Variants in ARPC5L observed in about 807,000 individuals in gnomAD.
ARPC5L encodes the protein actin related protein 2/3 complex subunit 5 like, also known as actin-related protein 2/3 complex subunit 5-like protein.
ARPC5L carries 4 observed loss-of-function variants against 16.9 expected under a neutral mutation model. The ratio of observed to expected loss-of-function variants is 0.24; its 90% CI spans 0.12 to 0.54. ARPC5L has a LOEUF of 0.54. Among genes scored for constraint, ARPC5L ranks in the 20% least tolerant of loss-of-function variants. The pLI is 0.95. For synonymous variants in ARPC5L, 78 were observed against 82.6 expected, an observed-to-expected ratio of 0.94 and a Z score of 0.30; for missense variants, 151 against 201.9, an observed-to-expected ratio of 0.75 and a Z score of 1.53.
intron 3 of ARPC5L, 76 bp from the exon 4 acceptor site, chr9:124,873,616 C>A: frequency 6.6e-7 from 1 of 1,523,400 alleles, no homozygotes; most frequent in Non-Finnish European, 9.1e-7. Context: ...TGTTCCTGAG[C>A]TGTTTCTGAA....
In ARPC5L at chr9:124,867,811, T is replaced by C. The variant is rs987623293; in HGVS notation, c.-863-617T>C. On this transcript the variant is annotated intron_variant, in intron 2 of 5. Transcript: ENST00000353214. ...CCTGAGACTTTTCTTTTCTTTTCTT[T>C]TTTTTTTTTTTTTTTGAGACGGAGT... Among the ~76,000 whole-genome samples, 429 of 143,526 alleles carry C rather than the reference T, an allele frequency of 3.0e-3. 2 individuals carry two copies. The highest frequency in any genetic ancestry group is 9.2e-3 in the Admixed American group (132 of 14,378). 94.2% of individuals were successfully genotyped at this position (143,526 alleles called of 152,430 possible).
intron 1 of ARPC5L, among the ~76,000 whole-genome samples, chr9:124,862,636 C>A (rs1829218894): frequency 1.3e-5 from 2 of 151,230 alleles, no homozygotes; most frequent in African/African-American, 4.9e-5. Context: ...CCTGCCCCAG[C>A]CTCCCGAGTA....
chr9:124,871,164 T>C (rs748856004), intron 3 of ARPC5L, among the ~76,000 whole-genome samples: 2 of 151,944 alleles, frequency 1.3e-5, no homozygotes, highest in Non-Finnish European at 2.9e-5. Flanking sequence ...TGGATTGGGG[T>C]TGGGGAGGGC....
chr9:124,869,240 C>T lies in ARPC5L; in HGVS notation c.-51C>T, dbSNP rs1829317742. On this transcript the variant is annotated 5_prime_UTR_variant, in exon 3 of 6. Transcript: ENST00000353214. ...AGGAGCCGGTGCGAGCGGAGCAGAG[C>T]CGAGGTCGGGCCGCGAGCGGAGCCG... 1.4e-6 allele frequency: 2 copies of T among 1,475,580 alleles called. No homozygotes were observed. Among genetic ancestry groups the T allele is most frequent in the East Asian group, 2.9e-5 (1 of 34,466 alleles). The allele number at this position is 1,475,580 out of a possible 1,614,324, so 91.4% of individuals were successfully genotyped here.
Position 124,876,970 on chromosome 9 carries a change from G to A in ARPC5L, c.*30G>A, listed in dbSNP as rs1829451015. The A allele has an allele frequency of 6.3e-7, 1 of 1,577,942 alleles. No individual in the cohort carries two copies. The highest frequency in any genetic ancestry group is 1.4e-5 in the African/African-American group (1 of 73,512). On this transcript the variant is annotated 3_prime_UTR_variant, in exon 6 of 6. Transcript: ENST00000353214. ...AATAAAAAGACTCATGTTACCTTGA[G>A]AAGAATTCTGGATGCCCAGGCTGGT...
intron 2 of ARPC5L, among the ~76,000 whole-genome samples, chr9:124,866,169 C>T (rs1007955108): frequency 6.6e-6 from 1 of 151,896 alleles, no homozygotes. Flanking sequence ...TTTAGGAAGC[C>T]GACGCAGGTG....
intron 3 of ARPC5L, 105 bp downstream of exon 3, chr9:124,869,544 C>G: frequency 1.4e-6 from 2 of 1,383,338 alleles, no homozygotes. Flanking sequence ...GTCTCCGACC[C>G]TTGGCCCCCT....
chr9:124,873,005 TA>T (rs1829381896), intron 3 of ARPC5L: 1 of 152,266 alleles, frequency 6.6e-6, no homozygotes, highest in African/African-American at 2.4e-5. Context: ...CAGTTTAAAA[TA>T]GGTGTCACCT....
chr9:124,876,213 C>T (rs535975902), intron 5 of ARPC5L, among the ~76,000 whole-genome samples: 46 of 151,990 alleles, frequency 3.0e-4, no homozygotes, highest in Non-Finnish European at 5.3e-4. Context: ...AGGCTGGGTG[C>T]GGTGGGCTCA....
chr9:124,875,108 C>T lies in ARPC5L; in HGVS notation c.356C>T (p.Pro119Leu). 6.2e-7 allele frequency: 1 copy of T among 1,614,094 alleles called. No individual in the cohort carries two copies. Among genetic ancestry groups the T allele is most frequent in the Non-Finnish European group, 8.5e-7 (1 of 1,179,962 alleles). ...MKYIYKGFEK[P>L]TENSSAVLLQ... ...TACATTTATAAAGGCTTTGAGAAGCCCACAGAAAATAGCAGCGCAGTGTTA... is the reference window on the plus strand; with the variant it reads ...TACATTTATAAAGGCTTTGAGAAGCTCACAGAAAATAGCAGCGCAGTGTTA... Residue 119 changes from proline (P) to leucine (L), a missense_variant, in exon 5 of 6, where the codon CCC becomes CTC. Coordinates refer to ENST00000353214, the MANE Select transcript of ARPC5L (RefSeq NM_030978.3).
chr9:124,877,184 T>TACCA lies in ARPC5L; in HGVS notation c.*245_*248dup, dbSNP rs2131341374. The stretch of plus-strand genomic sequence containing the variant: ...CTGCAGAACTGACATTTTGACGGTC[T>TACCA]ACCAGCGTGGCGGCTGGTGTTGGTC... On this transcript the variant is annotated 3_prime_UTR_variant, in exon 6 of 6. Transcript: ENST00000353214. The TACCA allele has an allele frequency of 2.1e-6, 1 of 468,200 alleles. No individual in the cohort carries two copies. The highest frequency in any genetic ancestry group is 2.5e-5 in the South Asian group (1 of 40,186). The allele number at this position is 468,200 out of a possible 1,614,324, so 29.0% of individuals were successfully genotyped here.
In ARPC5L at chr9:124,869,164, C is replaced by CGGTGGAGGA; in HGVS notation, c.-122_-114dup. 1 of 1,071,366 alleles carries CGGTGGAGGA rather than the reference C, an allele frequency of 9.3e-7. No homozygotes were observed. Among genetic ancestry groups the CGGTGGAGGA allele is most frequent in the Non-Finnish European group, 1.2e-6 (1 of 827,542 alleles). 66.4% of individuals were successfully genotyped at this position (1,071,366 alleles called of 1,614,324 possible). ...GGGCGGCGGCGGCTGCGCGCGGAGG[C>CGGTGGAGGA]GGTGGAGGAGGTGCTGGGAGCAGCC... On this transcript the variant is annotated 5_prime_UTR_variant, in exon 3 of 6. Transcript: ENST00000353214.
intron 3 of ARPC5L, among the ~76,000 whole-genome samples, chr9:124,870,777 T>C (rs1829345531): frequency 1.3e-5 from 2 of 152,276 alleles, no homozygotes; most frequent in Non-Finnish European, 2.9e-5. Flanking sequence ...AGGACTCTCA[T>C]TGAACAGATG....
At chr9:124,873,890 G>C (rs2131338295) in intron 4 of ARPC5L, 126 bp downstream of exon 4, 1 of 1,160,060 alleles carries the variant, frequency 8.6e-7, no homozygotes, top group East Asian at 2.4e-5. Flanking sequence ...GGGGCTTCCA[G>C]GGAAGCCTCC....
At position 124,876,849 on chromosome 9, in the gene ARPC5L, T is replaced by C. The variant is rs189494194; in HGVS notation, c.400-29T>C. On this transcript the variant is annotated intron_variant, in intron 5 of 5. Coordinates refer to ENST00000353214, the MANE Select transcript of ARPC5L (RefSeq NM_030978.3). ...TCCCCTTGGCCAGCCAGGTCTCATC[T>C]GACACGTTTTCTTTTCCTGCCCCCA... 1.1e-4 allele frequency: 176 copies of C among 1,603,510 alleles called. 1 individual carries two copies. The Admixed American group carries it at 3.0e-3, about 27-fold the overall frequency.
At chr9:124,870,721 T>C (rs1158720414) in intron 3 of ARPC5L, among the ~76,000 whole-genome samples, 1 of 152,208 alleles carries the variant, frequency 6.6e-6, no homozygotes, top group East Asian at 1.9e-4. Context: ...GCCTAGTTCA[T>C]GGACAGTCAG....
chr9:124,870,944 G>C (rs185746061), intron 3 of ARPC5L, among the ~76,000 whole-genome samples: 345 of 152,316 alleles, frequency 2.3e-3, no homozygotes, highest in Middle Eastern at 0.01. Context: ...TCATGGCAGC[G>C]TCAGAAGCGT....
intron 1 of ARPC5L, among the ~76,000 whole-genome samples, chr9:124,862,839 AT>A (rs968186456): frequency 9.8e-5 from 14 of 143,406 alleles, no homozygotes; most frequent in East Asian, 2.1e-4. Flanking sequence ...GCCTTTATTT[AT>A]TTTTTTTATT....
intron 4 of ARPC5L, among the ~76,000 whole-genome samples, chr9:124,874,568 T>C (rs1434733105): frequency 6.6e-6 from 1 of 152,146 alleles, no homozygotes; most frequent in Admixed American, 6.6e-5. Context: ...CATGGTGGCA[T>C]GTGCCTGTAG....
Sources: gnomAD v4.1 joint callset for allele counts (sites outside exome capture counted in the v4.1 genomes callset) on GRCh38, gnomAD v4.1.1 for gene constraint, MANE v1.5 for transcripts, NCBI Gene and HGNC (gene_info 2026-07-23, HGNC 2026-07-21) for gene names.